The following AK9 variants were observed in gnomAD, a reference collection of about 807,000 sequenced individuals.
The protein encoded by AK9 is adenylate kinase domain containing 1.
A neutral mutation model predicts 239.6 loss-of-function variants in AK9; 191 were observed. That is an observed-to-expected ratio of 0.80 (90% CI 0.71 to 0.90). The LOEUF (loss-of-function observed/expected upper bound fraction) is 0.90. Ranked by LOEUF, AK9 falls within the 40% of genes least tolerant of loss-of-function variation. AK9 has a pLI of 0.00. For synonymous variants in AK9, 689 were observed against 721.0 expected (o/e 0.96, Z 0.71); for missense variants, 1,995 against 2,214.7 (o/e 0.90, Z 1.99).
intron 29 of AK9, 199 bp downstream of exon 29, chr6:109,528,812 A>ACAAGAGGGTCAGCCTTGAAAAGCTGTTT: frequency 1.2e-6 from 1 of 862,218 alleles, no homozygotes; most frequent in Non-Finnish European, 1.8e-6. Flanking sequence ...AAAAGCTGTT[A>ACAAGAGGGTCAGCCTTGAAAAGCTGTTT]CAAGAGTGTC....
intron 38 of AK9, among the ~76,000 whole-genome samples, chr6:109,495,824 G>A (rs1009105787): frequency 2.6e-5 from 4 of 151,900 alleles, no homozygotes; most frequent in Non-Finnish European, 5.9e-5. Flanking sequence ...CATGGTGGAG[G>A]TGCCTCCCAT....
At chr6:109,535,393 A>G (rs1781848183) in intron 27 of AK9, among the ~76,000 whole-genome samples, 1 of 152,214 alleles carries the variant, frequency 6.6e-6, no homozygotes, top group South Asian at 2.1e-4. Flanking sequence ...TTTTGGCTGC[A>G]TAAATGTCTT....
intron 29 of AK9, among the ~76,000 whole-genome samples, chr6:109,519,748 T>C (rs1779639823): frequency 6.6e-6 from 1 of 150,474 alleles, no homozygotes. Flanking sequence ...TGAGCTGTGA[T>C]GGTGCCACTG....
intron 27 of AK9, 115 bp downstream of exon 27, chr6:109,541,932 C>G (rs1395299866): frequency 1.1e-6 from 1 of 937,720 alleles, no homozygotes; most frequent in African/African-American, 1.7e-5. Context: ...AAATCACCAG[C>G]TTACATGAAT....
intron 8 of AK9, among the ~76,000 whole-genome samples, chr6:109,652,401 T>A (rs971759883): frequency 6.6e-6 from 1 of 152,200 alleles, no homozygotes; most frequent in African/African-American, 2.4e-5. Flanking sequence ...ATGGGATGCA[T>A]CTCAAAATAA....
intron 17 of AK9, among the ~76,000 whole-genome samples, chr6:109,597,427 C>A (rs557041154): frequency 6.6e-6 from 1 of 152,206 alleles, no homozygotes; most frequent in Admixed American, 6.5e-5. Flanking sequence ...AATCCCAGCA[C>A]TTTGGGAGGC....
chr6:109,669,817 T>C (rs1040323955), intron 5 of AK9, among the ~76,000 whole-genome samples: 4 of 152,156 alleles, frequency 2.6e-5, no homozygotes, highest in African/African-American at 9.7e-5. Context: ...TCCTGTGGGA[T>C]GCTACAGGAT....
At chr6:109,644,774 T>TAAGGCGG in intron 8 of AK9, 86 bp from the exon 9 acceptor site, 1 of 1,133,580 alleles carries the variant, frequency 8.8e-7, no homozygotes, top group South Asian at 1.6e-5. Flanking sequence ...ACTGTGCAGA[T>TAAGGCGG]ATATTTAAAG....
intron 20 of AK9, among the ~76,000 whole-genome samples, chr6:109,577,438 G>T (rs942412238): frequency 6.6e-6 from 1 of 150,958 alleles, no homozygotes; most frequent in Middle Eastern, 3.5e-3. Flanking sequence ...ATATTGGTCT[G>T]GTTCCTTTTT....
chr6:109,576,795 T>C (rs1788142654), intron 20 of AK9, among the ~76,000 whole-genome samples: 1 of 151,968 alleles, frequency 6.6e-6, no homozygotes, highest in East Asian at 1.9e-4. Context: ...GCTTTTCCCC[T>C]TTCAGTATAA....
At chr6:109,629,561 A>G (rs1486877611) in intron 12 of AK9, among the ~76,000 whole-genome samples, 3 of 152,096 alleles carry the variant, frequency 2.0e-5, no homozygotes, top group African/African-American at 7.2e-5. Context: ...GTATCACACC[A>G]TCTTTCCTGA....
chr6:109,561,869 T>G (rs1422358777), intron 24 of AK9, among the ~76,000 whole-genome samples: 1 of 152,182 alleles, frequency 6.6e-6, no homozygotes, highest in East Asian at 1.9e-4. Flanking sequence ...GTTTGTAATT[T>G]TTTTCAAAAT....
intron 12 of AK9, among the ~76,000 whole-genome samples, chr6:109,628,861 A>G (rs1795822173): frequency 6.6e-6 from 1 of 152,116 alleles, no homozygotes; most frequent in Non-Finnish European, 1.5e-5. Context: ...TGCCAGAAAC[A>G]TGTTTTTAGT....
chr6:109,668,472 C>A (rs1470622315), intron 5 of AK9, among the ~76,000 whole-genome samples: 1 of 151,376 alleles, frequency 6.6e-6, no homozygotes, highest in Non-Finnish European at 1.5e-5. Flanking sequence ...AGTCCTTGCC[C>A]ATGCCTCTGT....
intron 1 of AK9, among the ~76,000 whole-genome samples, chr6:109,679,388 G>C (rs1279208091): frequency 3.3e-5 from 5 of 152,040 alleles, no homozygotes; most frequent in Non-Finnish European, 7.4e-5. Flanking sequence ...TCTGTAGCCA[G>C]ACTGCCTCTC....
chr6:109,690,413 G>C (rs1184568573), intron 1 of AK9: 3 of 152,258 alleles, frequency 2.0e-5, no homozygotes, highest in Non-Finnish European at 4.4e-5. Context: ...CCGTGCAACA[G>C]ATACCAAGAT....
chr6:109,636,119 T>C (rs1391663864), intron 10 of AK9, among the ~76,000 whole-genome samples: 1 of 152,152 alleles, frequency 6.6e-6, no homozygotes, highest in Non-Finnish European at 1.5e-5. Flanking sequence ...TCTGTGTGAC[T>C]CGAAAGCCAA....
chr6:109,571,696 G>A (rs1022061166), intron 21 of AK9, among the ~76,000 whole-genome samples: 3 of 151,996 alleles, frequency 2.0e-5, no homozygotes, highest in Admixed American at 1.3e-4. Context: ...TCAAAACTAC[G>A]ATCACTGTCT....
chr6:109,651,443 C>T (rs1279571034), intron 8 of AK9, among the ~76,000 whole-genome samples: 3 of 152,114 alleles, frequency 2.0e-5, no homozygotes, highest in Admixed American at 2.0e-4. Context: ...ATTTATAGCA[C>T]TAAATGCCCA....
Sources: allele counts gnomAD v4.1 joint callset (sites outside exome capture counted in the v4.1 genomes callset), GRCh38; gene constraint gnomAD v4.1.1; transcripts MANE v1.5; gene names NCBI Gene and HGNC (gene_info 2026-07-23, HGNC 2026-07-21).